The following ACTR3C variants were observed in gnomAD, a reference collection of about 807,000 sequenced individuals.
ACTR3C encodes the protein actin related protein 3C, also known as actin-related protein 3C.
ACTR3C carries 18 observed loss-of-function variants against 26.3 expected under a neutral mutation model. The ratio of observed to expected loss-of-function variants is 0.68; its 90% CI spans 0.47 to 1.01. The LOEUF (loss-of-function observed/expected upper bound fraction) is 1.01, where lower values mean the gene tolerates loss of function less well. Ranked by LOEUF, ACTR3C falls within the 50% of genes least tolerant of loss-of-function variation. The pLI, the probability that ACTR3C is intolerant of heterozygous loss-of-function variation, is 0.00. For missense variants in ACTR3C, 184 were observed against 250.7 expected, an observed-to-expected ratio of 0.73 and a Z score of 1.80; for synonymous variants, 55 against 94.5, an observed-to-expected ratio of 0.58 and a Z score of 2.42.
the ACTR3C span, among the ~76,000 whole-genome samples, chr7:150,063,458 G>A: frequency 6.6e-6 from 1 of 151,246 alleles, no homozygotes; most frequent in Non-Finnish European, 1.5e-5. Context: ...TCTCCCATGT[G>A]CCTCCCAGGG....
At chr7:150,159,149 CA>C in the ACTR3C span, among the ~76,000 whole-genome samples, 1 of 147,778 alleles carries the variant, frequency 6.8e-6, no homozygotes, top group African/African-American at 2.5e-5. Flanking sequence ...TAAATATACA[CA>C]ATTTTTATTT....
chr7:150,222,841 T>C, the ACTR3C span, among the ~76,000 whole-genome samples: 50 of 152,386 alleles, frequency 3.3e-4, no homozygotes, highest in African/African-American at 1.2e-3. Context: ...AGTTATGATT[T>C]AGTAAAATAA....
At chr7:150,174,035 T>G in the ACTR3C span, among the ~76,000 whole-genome samples, 1 of 140,756 alleles carries the variant, frequency 7.1e-6, no homozygotes, top group East Asian at 2.0e-4. Flanking sequence ...TTCCCACATT[T>G]TCCTGTCTTC....
At chr7:150,200,935 C>T in the ACTR3C span, among the ~76,000 whole-genome samples, 1 of 152,298 alleles carries the variant, frequency 6.6e-6, no homozygotes, top group African/African-American at 2.4e-5. Flanking sequence ...GGTTGCTGTA[C>T]TTAACAATAG....
the ACTR3C span, among the ~76,000 whole-genome samples, chr7:150,225,610 T>A: frequency 2.6e-5 from 4 of 152,242 alleles, no homozygotes; most frequent in African/African-American, 9.6e-5. Context: ...TGACTGTGTC[T>A]TACAGACTCA....
chr7:150,273,894 G>A (rs1410075843), intron 6 of ACTR3C, among the ~76,000 whole-genome samples: 1 of 152,088 alleles, frequency 6.6e-6, no homozygotes, highest in Non-Finnish European at 1.5e-5. Context: ...CTGTGAGAGC[G>A]CAAAGCCCCC....
chr7:150,001,846 C>A, the ACTR3C span: 1 of 151,268 alleles, frequency 6.6e-6, no homozygotes, highest in African/African-American at 2.4e-5. Context: ...CCAGGAAGTC[C>A]CAGGAAGATG....
the ACTR3C span, among the ~76,000 whole-genome samples, chr7:150,163,785 G>C: frequency 6.6e-6 from 1 of 152,038 alleles, no homozygotes; most frequent in Admixed American, 6.6e-5. Context: ...GGCAGAAAGG[G>C]GTGAATTCTT....
At chr7:149,922,859 G>A in the ACTR3C span, among the ~76,000 whole-genome samples, 1 of 149,456 alleles carries the variant, frequency 6.7e-6, no homozygotes, top group Non-Finnish European at 1.5e-5. Flanking sequence ...GAAGAGTATA[G>A]TAATTTATGG....
chr7:149,954,184 A>G, the ACTR3C span, among the ~76,000 whole-genome samples: 2 of 152,084 alleles, frequency 1.3e-5, no homozygotes, highest in Non-Finnish European at 2.9e-5. Context: ...TCATGGTTTT[A>G]TTAATAATGT....
At chr7:150,087,421 C>A in the ACTR3C span, among the ~76,000 whole-genome samples, 1 of 152,102 alleles carries the variant, frequency 6.6e-6, no homozygotes, top group Non-Finnish European at 1.5e-5. Flanking sequence ...TAAACAATTA[C>A]ACAACTAGGG....
intron 6 of ACTR3C, among the ~76,000 whole-genome samples, chr7:150,261,371 C>T (rs949998371): frequency 2.6e-5 from 4 of 152,092 alleles, no homozygotes; most frequent in Admixed American, 2.6e-4. Context: ...TGTGCACTCT[C>T]TAGCCTGTTT....
At chr7:149,996,519 A>AT in the ACTR3C span, among the ~76,000 whole-genome samples, 40 of 132,510 alleles carry the variant, frequency 3.0e-4, no homozygotes, top group East Asian at 1.1e-3. Flanking sequence ...AATAACTGGG[A>AT]TTTTTTTTTT....
chr7:150,044,036 C>G, the ACTR3C span, among the ~76,000 whole-genome samples: 1 of 152,138 alleles, frequency 6.6e-6, no homozygotes, highest in South Asian at 2.1e-4. Context: ...CAGTTTTAAC[C>G]AATTTGCTGC....
the ACTR3C span, among the ~76,000 whole-genome samples, chr7:149,938,538 G>A: frequency 6.6e-6 from 1 of 151,976 alleles, no homozygotes. Context: ...AAATAAAGGT[G>A]AGGAAACCCC....
intron 6 of ACTR3C, among the ~76,000 whole-genome samples, chr7:150,251,580 T>C (rs189975837): frequency 8.1e-4 from 124 of 152,210 alleles, no homozygotes; most frequent in Middle Eastern, 7.0e-3. Context: ...AGATTGATGA[T>C]GGTTTGTGTC....
the ACTR3C span, among the ~76,000 whole-genome samples, chr7:149,934,235 A>G: frequency 3.9e-5 from 6 of 152,188 alleles, no homozygotes; most frequent in Admixed American, 1.3e-4. Flanking sequence ...GACCCTAGCA[A>G]TGCACAGATT....
chr7:150,198,919 C>T, the ACTR3C span, among the ~76,000 whole-genome samples: 6,638 of 140,646 alleles, frequency 0.047, 269 homozygotes, highest in African/African-American at 0.099. Flanking sequence ...CCGCCCCGTC[C>T]GGGAGGGAGG....
the ACTR3C span, among the ~76,000 whole-genome samples, chr7:150,198,798 G>A: frequency 2.2e-5 from 3 of 136,502 alleles, no homozygotes; most frequent in South Asian, 6.8e-4. Context: ...CGTCCGGGAG[G>A]GAGGTGGGGG....
Sources: allele counts gnomAD v4.1 joint callset (sites outside exome capture counted in the v4.1 genomes callset), GRCh38; gene constraint gnomAD v4.1.1; transcripts MANE v1.5; gene names NCBI Gene and HGNC (gene_info 2026-07-23, HGNC 2026-07-21).